The following KDM4C variants were observed in gnomAD, a reference collection of about 807,000 sequenced individuals.
KDM4C encodes the protein lysine-specific demethylase 4C.
A neutral mutation model predicts 129.3 loss-of-function variants in KDM4C; 81 were observed. The ratio of observed to expected loss-of-function variants is 0.63; its 90% CI spans 0.52 to 0.75. KDM4C has a LOEUF of 0.75. Among genes scored for constraint, KDM4C ranks in the 30% least tolerant of loss-of-function variants. The pLI, the probability that KDM4C is intolerant of heterozygous loss-of-function variation, is 0.00. For missense variants in KDM4C, 1,457 were observed against 1,304.0 expected, an observed-to-expected ratio of 1.12 and a Z score of -1.81; for synonymous variants, 573 against 456.1, an observed-to-expected ratio of 1.26 and a Z score of -3.26.
chr9:7,096,284 G>A (rs898487914), intron 17 of KDM4C, among the ~76,000 whole-genome samples: 2 of 152,132 alleles, frequency 1.3e-5, no homozygotes, highest in East Asian at 1.9e-4. Context: ...TTGTAATGTT[G>A]CCTTTAATAT....
intron 1 of KDM4C, among the ~76,000 whole-genome samples, chr9:6,764,431 T>A (rs1487148541): frequency 1.3e-5 from 2 of 152,212 alleles, no homozygotes; most frequent in Non-Finnish European, 2.9e-5. Flanking sequence ...TTGTACTGTT[T>A]GTTTTATTTT....
intron 2 of KDM4C, among the ~76,000 whole-genome samples, chr9:6,803,762 A>G (rs975127171): frequency 1.3e-5 from 2 of 151,942 alleles, no homozygotes; most frequent in Non-Finnish European, 2.9e-5. Context: ...AAAAAAAAAA[A>G]AAAAAGAAAA....
At chr9:6,735,518 C>G (rs902558755) in intron 1 of KDM4C, among the ~76,000 whole-genome samples, 1 of 152,162 alleles carries the variant, frequency 6.6e-6, no homozygotes, top group Admixed American at 6.6e-5. Flanking sequence ...CTTTCCTGCA[C>G]TGTTCTCCTG....
chr9:6,728,972 G>A (rs1304545011), intron 1 of KDM4C, among the ~76,000 whole-genome samples: 6 of 151,916 alleles, frequency 3.9e-5, no homozygotes, highest in African/African-American at 1.4e-4. Flanking sequence ...TTGGGAGGTC[G>A]AGGTGGATGG....
intron 15 of KDM4C, among the ~76,000 whole-genome samples, chr9:7,022,392 G>T (rs1048647220): frequency 1.3e-5 from 2 of 151,878 alleles, no homozygotes; most frequent in African/African-American, 2.4e-5. Flanking sequence ...TAAATCCTAG[G>T]TATTTACTTT....
intron 4 of KDM4C, among the ~76,000 whole-genome samples, chr9:6,839,479 A>G (rs1183391957): frequency 2.7e-5 from 4 of 150,740 alleles, no homozygotes; most frequent in Non-Finnish European, 4.4e-5. Context: ...GACTCAAGCA[A>G]TCCTCCCGCC....
chr9:7,072,531 G>A (rs576653222), intron 17 of KDM4C, among the ~76,000 whole-genome samples: 209 of 152,250 alleles, frequency 1.4e-3, no homozygotes, highest in South Asian at 6.2e-3. Flanking sequence ...AAAAGGCTCC[G>A]TACTGTTGAA....
intron 2 of KDM4C, among the ~76,000 whole-genome samples, chr9:6,801,633 C>G (rs910279334): frequency 6.6e-6 from 1 of 151,730 alleles, no homozygotes; most frequent in Non-Finnish European, 1.5e-5. Context: ...CTCTCTCTCT[C>G]TCTCTCTGTC....
chr9:6,740,357 C>T (rs1817645994), intron 1 of KDM4C, among the ~76,000 whole-genome samples: 1 of 152,054 alleles, frequency 6.6e-6, no homozygotes, highest in Admixed American at 6.6e-5. Context: ...GCGCCCGTCA[C>T]CCCACCTGGC....
At chr9:6,770,572 AGTTT>A (rs1821560304) in intron 1 of KDM4C, among the ~76,000 whole-genome samples, 1 of 151,466 alleles carries the variant, frequency 6.6e-6, no homozygotes, top group Non-Finnish European at 1.5e-5. Context: ...ATTTCCCTCA[AGTTT>A]GTTTTTTTTT....
chr9:6,986,138 C>CT (rs2131861103), intron 10 of KDM4C, among the ~76,000 whole-genome samples: 1 of 152,290 alleles, frequency 6.6e-6, no homozygotes, highest in East Asian at 1.9e-4. Flanking sequence ...TGGCATAATA[C>CT]TTGAGTAGAA....
At chr9:7,160,460 G>A (rs1418016229) in intron 19 of KDM4C, among the ~76,000 whole-genome samples, 1 of 152,204 alleles carries the variant, frequency 6.6e-6, no homozygotes, top group Non-Finnish European at 1.5e-5. Flanking sequence ...CCACATCTTT[G>A]TGGTTTTATC....
At chr9:6,756,811 A>T (rs182925841), upstream of KDM4C, among the ~76,000 whole-genome samples, 1 of 152,344 alleles carries the variant, frequency 6.6e-6, no homozygotes, top group African/African-American at 2.4e-5. Flanking sequence ...AGCTCAATTA[A>T]TCACATTCCA....
chr9:6,909,251 T>A (rs1818854001), intron 8 of KDM4C, among the ~76,000 whole-genome samples: 1 of 152,242 alleles, frequency 6.6e-6, no homozygotes, highest in Non-Finnish European at 1.5e-5. Context: ...TGGAAGCATG[T>A]CCTGGAGTTC....
intron 11 of KDM4C, among the ~76,000 whole-genome samples, chr9:6,988,430 A>G (rs1390484409): frequency 1.3e-5 from 2 of 152,070 alleles, no homozygotes; most frequent in Non-Finnish European, 2.9e-5. Flanking sequence ...AGAGAAACCA[A>G]CATTGCTATT....
upstream of KDM4C, among the ~76,000 whole-genome samples, chr9:6,756,884 T>C (rs914235868): frequency 1.2e-4 from 18 of 152,218 alleles, no homozygotes; most frequent in Non-Finnish European, 2.9e-5. Context: ...GCGGTGTCGA[T>C]ATATTTTTAA....
intron 11 of KDM4C, among the ~76,000 whole-genome samples, chr9:6,988,382 C>T (rs1419244824): frequency 1.3e-5 from 2 of 151,826 alleles, no homozygotes; most frequent in African/African-American, 4.8e-5. Flanking sequence ...TGCTGTTTAT[C>T]TTCATCTTTA....
At chr9:6,749,083 G>T in intron 1 of KDM4C, 1 of 470,956 alleles carries the variant, frequency 2.1e-6, no homozygotes, top group Admixed American at 3.0e-5. Flanking sequence ...GCAATGGCGC[G>T]ATCTCGCCTT....
intron 15 of KDM4C, among the ~76,000 whole-genome samples, chr9:7,037,834 G>A (rs1437976372): frequency 6.6e-6 from 1 of 151,976 alleles, no homozygotes; most frequent in Non-Finnish European, 1.5e-5. Context: ...AGGCATTTTA[G>A]TATATATATT....
Sources: allele counts gnomAD v4.1 joint callset (sites outside exome capture counted in the v4.1 genomes callset), GRCh38; gene constraint gnomAD v4.1.1; transcripts MANE v1.5; gene names NCBI Gene and HGNC (gene_info 2026-07-23, HGNC 2026-07-21).